Variants in MASP1 observed in about 807,000 individuals in gnomAD.
MASP1 encodes mannan-binding lectin serine protease 1.
Under a neutral mutation model 77.1 loss-of-function variants are expected in MASP1, and 59 were observed. That is an observed-to-expected ratio of 0.77 (90% confidence interval 0.62 to 0.95). The LOEUF is 0.95. MASP1 is among the 40% of genes least tolerant of loss of function. The pLI is 0.00. For synonymous variants in MASP1, 362 were observed against 354.5 expected (o/e 1.02, Z -0.24); for missense variants, 885 against 912.9 (o/e 0.97, Z 0.39).
intron 13 of MASP1, among the ~76,000 whole-genome samples, chr3:187,223,762 C>A (rs1712209631): frequency 6.6e-6 from 1 of 152,192 alleles, no homozygotes; most frequent in Non-Finnish European, 1.5e-5. Context: ...GTGGGTTGAG[C>A]ACTGACAGAG....
chr3:187,260,619 G>A (rs1001990375), intron 4 of MASP1, 122 bp downstream of exon 4: 13 of 1,324,082 alleles, frequency 9.8e-6, no homozygotes, highest in African/African-American at 1.4e-5. Context: ...GGTGTCTGAG[G>A]TGCATCATTG....
At chr3:187,263,954 C>A (rs1011844967) in intron 2 of MASP1, among the ~76,000 whole-genome samples, 1 of 152,104 alleles carries the variant, frequency 6.6e-6, no homozygotes, top group African/African-American at 2.4e-5. Context: ...GTGTTTGCAA[C>A]CTCTGGACCA....
intron 2 of MASP1, among the ~76,000 whole-genome samples, chr3:187,282,494 T>C (rs1466417110): frequency 4.5e-5 from 1 of 21,986 alleles, no homozygotes; most frequent in African/African-American, 1.5e-4. Flanking sequence ...AGATTCCGTT[T>C]CAAAAAAAAA....
chr3:187,243,437 C>T, intron 9 of MASP1, 47 bp downstream of exon 9: 1 of 1,611,846 alleles, frequency 6.2e-7, no homozygotes, highest in Non-Finnish European at 8.5e-7. Flanking sequence ...CCCTGAGGCC[C>T]CGAGAGTGTG....
In MASP1 at chr3:187,234,260, T is replaced by G. The variant is rs1442971464; in HGVS notation, c.*1424A>C. On this transcript the variant is annotated 3_prime_UTR_variant, in exon 11 of 11. Transcript: ENST00000296280. Reference sequence around the variant, plus strand: ...ATGAGCCGGTTGAGAAAGTGGACACTTCCCAATCATTCCCTCTCAGGGGCT... The same window carrying G: ...ATGAGCCGGTTGAGAAAGTGGACACGTCCCAATCATTCCCTCTCAGGGGCT... 1 of 1,287,240 alleles carries G rather than the reference T, an allele frequency of 7.8e-7. No individual in the cohort carries two copies. Among genetic ancestry groups the G allele is most frequent in the East Asian group, 5.6e-5 (1 of 18,016 alleles). The allele number at this position is 1,287,240 out of a possible 1,614,324, so 79.7% of individuals were successfully genotyped here.
intron 9 of MASP1, chr3:187,241,976 G>T: frequency 5.0e-6 from 1 of 200,440 alleles, no homozygotes. Context: ...AAGCTCTGGG[G>T]AATCCCACTC....
chr3:187,235,475 C>CAA lies in MASP1; in HGVS notation c.*207_*208dup. ...GCCCAGACAGGGAAAGAGACTTGGA[C>CAA]AAGCTCAGGAACACAGGTCTCCTGC... is the stretch of plus-strand genomic sequence containing the variant. On this transcript the variant is annotated 3_prime_UTR_variant, in exon 11 of 11. Coordinates refer to ENST00000296280, the MANE Select transcript of MASP1 (RefSeq NM_139125.4). 1.3e-6 allele frequency: 2 copies of CAA among 1,522,172 alleles called. No homozygotes were observed. Among genetic ancestry groups the CAA allele is most frequent in the Non-Finnish European group, 1.8e-6 (2 of 1,139,598 alleles). The allele number at this position is 1,522,172 out of a possible 1,614,324, so 94.3% of individuals were successfully genotyped here.
At chr3:187,285,783 A>G (rs1717796632) in intron 2 of MASP1, 42 bp downstream of exon 2, 1 of 1,504,574 alleles carries the variant, frequency 6.6e-7, no homozygotes, top group East Asian at 2.3e-5. Context: ...TCTAAATCCC[A>G]GAAGAGAGCC....
downstream of MASP1, chr3:187,233,949 T>C: frequency 2.1e-6 from 1 of 479,038 alleles, no homozygotes; most frequent in South Asian, 2.1e-5. Flanking sequence ...TTGGATAATG[T>C]CCAGATACCA....
At chr3:187,219,188 T>C (rs1248929454) in exon 16 of MASP1, 1 of 152,260 alleles carries the variant, frequency 6.6e-6, no homozygotes, top group Admixed American at 6.5e-5. Flanking sequence ...TTTTGCCTTT[T>C]GGTTACATTG....
intron 2 of MASP1, among the ~76,000 whole-genome samples, chr3:187,267,997 T>C (rs918531640): frequency 6.6e-6 from 1 of 152,232 alleles, no homozygotes; most frequent in African/African-American, 2.4e-5. Context: ...GAAATAGTTA[T>C]TGATACCAGA....
In MASP1 at chr3:187,286,011, A is replaced by C. The variant is rs1717828303; in HGVS notation, c.51T>G (p.Ala17=). 3 of 1,614,108 alleles carry C rather than the reference A, an allele frequency of 1.9e-6. No individual in the cohort carries two copies. The highest frequency in any genetic ancestry group is 2.5e-6 in the Non-Finnish European group (3 of 1,180,042). Residue 17 remains alanine (A), a synonymous_variant, in exon 2 of 11, where the codon GCT becomes GCG. Coordinates refer to ENST00000296280, the MANE Select transcript of MASP1 (RefSeq NM_139125.4). ...YYALCFSLSK[A]SAHTVELNNM... is the part of the protein sequence containing the mutation. ...TGTTTAGCTCCACGGTGTGGGCTGAAGCCTTTGACAGGGAGAAGCACAGAG... is the reference window on the plus strand; with the variant it reads ...TGTTTAGCTCCACGGTGTGGGCTGACGCCTTTGACAGGGAGAAGCACAGAG...
chr3:187,284,320 C>T (rs1036572819), intron 2 of MASP1, among the ~76,000 whole-genome samples: 8 of 152,134 alleles, frequency 5.3e-5, no homozygotes, highest in Non-Finnish European at 5.9e-5. Flanking sequence ...CATTGAACAA[C>T]ATCTGGACAC....
downstream of MASP1, among the ~76,000 whole-genome samples, chr3:187,229,295 C>T (rs1043228353): frequency 5.9e-5 from 9 of 152,162 alleles, no homozygotes; most frequent in African/African-American, 2.2e-4. Context: ...GCCTTCTCTC[C>T]CCACCACTGC....
rs754305959 is a variant in MASP1 at position 187,260,791 on chromosome 3, C to G, written c.497G>C (p.Cys166Ser). The G allele has an allele frequency of 6.2e-7, 1 of 1,613,992 alleles. No individual in the cohort carries two copies. Among genetic ancestry groups the G allele is most frequent in the Non-Finnish European group, 8.5e-7 (1 of 1,180,002 alleles). ...YCHNYIGGYY[C>S]SCRFGYILHT... ...GAGGATGTAGCCGAAGCGGCAGGAG[C>G]AGTAGTAGCCGCCAATGTAGTTGTG... Residue 166 changes from cysteine to serine, a missense_variant, in exon 4 of 11, where the codon TGC becomes TCC. Cys to Ser is a moderately radical substitution (Grantham distance 112, BLOSUM62 -1). Coordinates refer to ENST00000296280, the MANE Select transcript of MASP1 (RefSeq NM_139125.4).
downstream of MASP1, among the ~76,000 whole-genome samples, chr3:187,232,443 A>G (rs1341629225): frequency 1.3e-5 from 2 of 152,108 alleles, no homozygotes; most frequent in Non-Finnish European, 2.9e-5. Context: ...TTTACTGCCT[A>G]CTTACATTTC....
intron 8 of MASP1, chr3:187,243,883 G>A (rs993033598): frequency 1.9e-4 from 97 of 519,340 alleles, no homozygotes; most frequent in African/African-American, 1.6e-3. Context: ...ATTTTGGGTA[G>A]GGGAAGGTCT....
intron 2 of MASP1, among the ~76,000 whole-genome samples, chr3:187,272,610 C>T (rs1055139798): frequency 2.0e-5 from 3 of 152,092 alleles, no homozygotes; most frequent in Non-Finnish European, 4.4e-5. Context: ...GGGATGACAG[C>T]CATGTGAAGA....
chr3:187,250,301 A>G lies in MASP1; in HGVS notation c.1040T>C (p.Ile347Thr). The change falls in exon 8 of 11, where the codon ATT becomes ACT. Residue 347 changes from isoleucine to threonine, a missense_variant. Coordinates refer to ENST00000296280, the MANE Select transcript of MASP1 (RefSeq NM_139125.4). ...KDNVEMDTFQ[I>T]ECLKDGTWSN... ...CCACGTCCCATCCTTCAGACACTCA[A>G]TCTGGAATGTGTCCATCTCCACATT... 1 of 1,613,818 alleles carries G rather than the reference A, an allele frequency of 6.2e-7. No homozygotes were observed. The highest frequency in any genetic ancestry group is 2.2e-5 in the East Asian group (1 of 44,882).
Sources: allele counts gnomAD v4.1 joint callset (sites outside exome capture counted in the v4.1 genomes callset), GRCh38; gene constraint gnomAD v4.1.1; transcripts MANE v1.5; gene names NCBI Gene and HGNC (gene_info 2026-07-23, HGNC 2026-07-21).